Variants in SPMIP3 observed in about 807,000 individuals in gnomAD.
SPMIP3 encodes protein SPMIP3.
chr1:244,371,346 G>A, the SPMIP3 span, among the ~76,000 whole-genome samples: 2 of 152,154 alleles, frequency 1.3e-5, no homozygotes, highest in African/African-American at 4.8e-5. Flanking sequence ...TGAAGAGTCC[G>A]CACGTGCTTT....
At chr1:244,384,394 G>A in the SPMIP3 span, among the ~76,000 whole-genome samples, 1 of 152,044 alleles carries the variant, frequency 6.6e-6, no homozygotes, top group Non-Finnish European at 1.5e-5. Flanking sequence ...TGTAGAGACA[G>A]GTTCTTACTA....
chr1:244,362,843 C>CTT, the SPMIP3 span, among the ~76,000 whole-genome samples: 840 of 117,536 alleles, frequency 7.1e-3, 18 homozygotes, highest in Non-Finnish European at 9.9e-3. Flanking sequence ...TCCCTGTGAA[C>CTT]TTTTTTTTTT....
chr1:244,368,569 T>C, the SPMIP3 span, among the ~76,000 whole-genome samples: 116 of 152,376 alleles, frequency 7.6e-4, no homozygotes, highest in Non-Finnish European at 1.4e-3. Context: ...CAACTCACTA[T>C]CATGACCTCT....
At chr1:244,362,012 C>T in the SPMIP3 span, among the ~76,000 whole-genome samples, 5 of 151,868 alleles carry the variant, frequency 3.3e-5, no homozygotes, top group East Asian at 9.7e-4. Context: ...CTTTCTCTTT[C>T]TCTCTCTCTC....
At chr1:244,368,854 A>T in the SPMIP3 span, among the ~76,000 whole-genome samples, 1 of 152,348 alleles carries the variant, frequency 6.6e-6, no homozygotes, top group East Asian at 1.9e-4. Context: ...TGGCCACATA[A>T]AATTCTTGTA....
chr1:244,368,112 A>G, the SPMIP3 span, among the ~76,000 whole-genome samples: 1 of 151,692 alleles, frequency 6.6e-6, no homozygotes, highest in Non-Finnish European at 1.5e-5. Flanking sequence ...GGCGCCCACC[A>G]CCACACCTGG....
At chr1:244,358,098 T>C in the SPMIP3 span, among the ~76,000 whole-genome samples, 7 of 151,484 alleles carry the variant, frequency 4.6e-5, no homozygotes, top group African/African-American at 1.7e-4. Flanking sequence ...GGCATGGTGG[T>C]ACACGCCTGT....
At chr1:244,365,959 A>G in the SPMIP3 span, among the ~76,000 whole-genome samples, 1 of 152,176 alleles carries the variant, frequency 6.6e-6, no homozygotes, top group Non-Finnish European at 1.5e-5. Context: ...TGGCACAAGA[A>G]TAACAAGCCC....
At chr1:244,359,288 A>C in the SPMIP3 span, among the ~76,000 whole-genome samples, 1 of 152,218 alleles carries the variant, frequency 6.6e-6, no homozygotes, top group African/African-American at 2.4e-5. Flanking sequence ...CATTTCTCTA[A>C]AAATGCTTGC....
chr1:244,376,591 T>C, the SPMIP3 span: 1 of 152,200 alleles, frequency 6.6e-6, no homozygotes, highest in Admixed American at 6.5e-5. Flanking sequence ...ATCATCCAGA[T>C]CTACATCAAA....
chr1:244,353,303 G>A, the SPMIP3 span, among the ~76,000 whole-genome samples: 1 of 152,128 alleles, frequency 6.6e-6, no homozygotes, highest in Admixed American at 6.6e-5. Flanking sequence ...CCAACACTCT[G>A]GGAGGCCGAG....
the SPMIP3 span, among the ~76,000 whole-genome samples, chr1:244,359,164 T>G: frequency 6.6e-6 from 1 of 151,542 alleles, no homozygotes; most frequent in Non-Finnish European, 1.5e-5. Context: ...AAAAGTGATT[T>G]GGTATCCCTC....
the SPMIP3 span, among the ~76,000 whole-genome samples, chr1:244,384,284 G>A: frequency 6.6e-6 from 1 of 152,060 alleles, no homozygotes; most frequent in Admixed American, 6.5e-5. Context: ...GCTCACCGCA[G>A]CCTTGGCAGC....
the SPMIP3 span, among the ~76,000 whole-genome samples, chr1:244,362,058 A>G: frequency 6.6e-6 from 1 of 152,240 alleles, no homozygotes; most frequent in Non-Finnish European, 1.5e-5. Context: ...AAAGTACATT[A>G]TATAATGATT....
At chr1:244,374,356 C>G in the SPMIP3 span, among the ~76,000 whole-genome samples, 5 of 152,022 alleles carry the variant, frequency 3.3e-5, no homozygotes, top group Admixed American at 6.6e-5. Context: ...TCGAGTCCCC[C>G]TCCCAGGCTT....
At chr1:244,381,896 G>T in the SPMIP3 span, among the ~76,000 whole-genome samples, 4 of 152,020 alleles carry the variant, frequency 2.6e-5, no homozygotes, top group Non-Finnish European at 4.4e-5. Context: ...ATGCCACTGC[G>T]CATGACAGTG....
the SPMIP3 span, chr1:244,375,195 G>A: frequency 2.0e-6 from 1 of 492,344 alleles, no homozygotes; most frequent in South Asian, 2.8e-5. Context: ...GGTAGAAAAG[G>A]GCTGGTTATG....
At chr1:244,364,319 A>G in the SPMIP3 span, among the ~76,000 whole-genome samples, 3 of 151,990 alleles carry the variant, frequency 2.0e-5, no homozygotes, top group African/African-American at 7.2e-5. Context: ...GTTAGCCAGG[A>G]TGGTCTCGAT....
chr1:244,356,484 G>T, the SPMIP3 span, among the ~76,000 whole-genome samples: 1 of 152,132 alleles, frequency 6.6e-6, no homozygotes, highest in Non-Finnish European at 1.5e-5. Context: ...TAACTTTGAG[G>T]AAGTTTGCTG....
Sources: allele counts gnomAD v4.1 joint callset (sites outside exome capture counted in the v4.1 genomes callset), GRCh38; gene constraint gnomAD v4.1.1; transcripts MANE v1.5; gene names NCBI Gene and HGNC (gene_info 2026-07-23, HGNC 2026-07-21).